The following SIPA1L3 variants were observed in gnomAD, a reference collection of about 807,000 sequenced individuals.
SIPA1L3 encodes the protein signal induced proliferation associated 1 like 3.
In SIPA1L3, 59 loss-of-function variants were observed where a neutral mutation model predicts 150.1. That is an observed-to-expected ratio of 0.39 (90% confidence interval 0.32 to 0.49). The LOEUF (loss-of-function observed/expected upper bound fraction) is 0.49, where lower values mean the gene tolerates loss of function less well. Among genes scored for constraint, SIPA1L3 ranks in the 20% least tolerant of loss-of-function variants. The probability of loss-of-function intolerance (pLI) is 0.86; values close to 1 mark genes in which losing one functional copy is unlikely to be tolerated. For missense variants in SIPA1L3, 2,211 were observed against 2,489.5 expected, an observed-to-expected ratio of 0.89 and a Z score of 2.38; for synonymous variants, 1,070 against 1,077.6, an observed-to-expected ratio of 0.99 and a Z score of 0.14.
intron 1 of SIPA1L3, among the ~76,000 whole-genome samples, chr19:37,962,168 G>C (rs914455014): frequency 4.3e-5 from 6 of 139,868 alleles, no homozygotes; most frequent in African/African-American, 1.7e-4. Context: ...TTTTGAGACA[G>C]AGTCTAACTC....
chr19:38,124,300 G>C (rs1971113959), intron 9 of SIPA1L3, among the ~76,000 whole-genome samples: 1 of 151,486 alleles, frequency 6.6e-6, no homozygotes, highest in African/African-American at 2.4e-5. Flanking sequence ...CGGCCGGGCA[G>C]AGACGCTCCT....
chr19:37,990,791 G>A (rs1196212183), intron 1 of SIPA1L3, among the ~76,000 whole-genome samples: 2 of 152,216 alleles, frequency 1.3e-5, no homozygotes, highest in African/African-American at 4.8e-5. Flanking sequence ...ACCAACAACA[G>A]CAGACACGCT....
At chr19:38,110,023 T>C in intron 7 of SIPA1L3, 1 of 564,326 alleles carries the variant, frequency 1.8e-6, no homozygotes, top group East Asian at 2.9e-5. Context: ...GAAGTGTTTC[T>C]GGCCATGGTG....
chr19:38,157,041 A>G (rs1320281417), intron 13 of SIPA1L3, among the ~76,000 whole-genome samples: 2 of 151,980 alleles, frequency 1.3e-5, no homozygotes, highest in Non-Finnish European at 2.9e-5. Context: ...GTGCGCACCT[A>G]TGGTCCCAGC....
In SIPA1L3 at chr19:38,082,283, G is replaced by A. The variant is rs771991482; in HGVS notation, c.718G>A (p.Glu240Lys). 7.5e-6 allele frequency: 12 copies of A among 1,599,920 alleles called. No homozygotes were observed. The highest frequency in any genetic ancestry group is 2.2e-5 in the East Asian group (1 of 44,870). Residue 240 changes from glutamate (E) to lysine (K), a missense_variant, in exon 3 of 22, where the codon GAG becomes AAG. Physicochemically the swap from Glu to Lys is moderately conservative, Grantham distance 56. Around this residue, in one of 5 missense-constraint regions of SIPA1L3, gnomAD observed 587 missense variants for 534.5 expected, o/e 1.10. Transcript: ENST00000222345. ...PDARGCQALTELLRADPGPHL... is the reference protein window; with the variant it reads ...PDARGCQALTKLLRADPGPHL... ...CGCCCGAGGGTGCCAGGCCCTCACC[G>A]AGCTCCTCCGGGCAGATCCTGGCCC...
At chr19:38,007,530 A>G (rs983665257) in intron 1 of SIPA1L3, among the ~76,000 whole-genome samples, 2 of 151,712 alleles carry the variant, frequency 1.3e-5, no homozygotes, top group Non-Finnish European at 2.9e-5. Context: ...ATTTTGGAAA[A>G]TGTGAGGAGA....
chr19:37,960,586 T>C (rs1379055948), intron 1 of SIPA1L3, among the ~76,000 whole-genome samples: 3 of 151,900 alleles, frequency 2.0e-5, no homozygotes, highest in Non-Finnish European at 4.4e-5. Flanking sequence ...TTTTTTTATT[T>C]TTAGTAGAGA....
intron 18 of SIPA1L3, among the ~76,000 whole-genome samples, chr19:38,196,663 G>A (rs1403121087): frequency 2.0e-5 from 3 of 151,640 alleles, no homozygotes; most frequent in Non-Finnish European, 4.4e-5. Flanking sequence ...GAAGAGCAAG[G>A]AGGCCAAGGG....
chr19:38,104,686 C>G (rs1340144901), intron 6 of SIPA1L3, among the ~76,000 whole-genome samples: 1 of 152,130 alleles, frequency 6.6e-6, no homozygotes, highest in Non-Finnish European at 1.5e-5. Flanking sequence ...ACTCTCCCAC[C>G]TCAGCCTCCT....
chr19:38,083,992 C>CAAA (rs748446835), intron 3 of SIPA1L3, among the ~76,000 whole-genome samples: 6 of 71,492 alleles, frequency 8.4e-5, no homozygotes, highest in African/African-American at 2.6e-4. Context: ...GACTCTGTCT[C>CAAA]AAAAAAAAAA....
rs1422504897 is a variant in SIPA1L3, at chr19:38,047,981, A to G, written c.-311+18825A>G. On this transcript the variant is annotated intron_variant, in intron 2 of 21. Coordinates refer to ENST00000222345, the MANE Select transcript of SIPA1L3 (RefSeq NM_015073.3). This position sits in a 1 kb window ranked among gnomAD's most constrained non-coding sequence, Gnocchi z 4.7. ...AAGGATGTGAGGGAAACAGTGACCC[A>G]CTGCAGAGGGTTTCCTGAGCTCTCG... is the stretch of plus-strand genomic sequence containing the variant. Among the ~76,000 whole-genome samples the G allele has an allele frequency of 6.6e-6, 1 of 152,136 alleles. No homozygotes were observed. Among genetic ancestry groups the G allele is most frequent in the African/African-American group, 2.4e-5 (1 of 41,430 alleles).
chr19:38,197,586 G>A (rs925841923), intron 18 of SIPA1L3, among the ~76,000 whole-genome samples: 11 of 151,666 alleles, frequency 7.3e-5, no homozygotes, highest in African/African-American at 1.5e-4. Flanking sequence ...GCCAGCCTCC[G>A]TCCCACCATC....
chr19:38,081,265 G>T lies in SIPA1L3; in HGVS notation c.-301G>T. ...TTTTCTTCCATTTCAGCATGGCGAGGACAACATCCTTGCTGCCTCCAGCTG... is the reference window on the plus strand; with the variant it reads ...TTTTCTTCCATTTCAGCATGGCGAGTACAACATCCTTGCTGCCTCCAGCTG... On this transcript the variant is annotated 5_prime_UTR_variant, in exon 3 of 22. Coordinates refer to ENST00000222345, the MANE Select transcript of SIPA1L3 (RefSeq NM_015073.3). The T allele has an allele frequency of 2.4e-6, 1 of 416,310 alleles. No individual in the cohort carries two copies. The highest frequency in any genetic ancestry group is 4.2e-6 in the Non-Finnish European group (1 of 235,444). 25.8% of individuals were successfully genotyped at this position (416,310 alleles called of 1,614,324 possible).
intron 13 of SIPA1L3, among the ~76,000 whole-genome samples, chr19:38,160,651 C>G (rs560144455): frequency 5.1e-4 from 77 of 152,156 alleles, no homozygotes; most frequent in African/African-American, 1.8e-3. Context: ...CTCTGCCCGC[C>G]TCGGCCTCCC....
intron 1 of SIPA1L3, among the ~76,000 whole-genome samples, chr19:38,015,820 G>A (rs553519195): frequency 1.3e-5 from 2 of 151,228 alleles, no homozygotes; most frequent in Admixed American, 6.6e-5. Context: ...TGCTGTGTTC[G>A]AAGCAACTCC....
In SIPA1L3 at chr19:38,023,249, C is replaced by T. The variant is rs113195005; in HGVS notation, c.-378-5840C>T. Among the ~76,000 whole-genome samples, 844 of 152,210 alleles carry T rather than the reference C, an allele frequency of 5.5e-3. 7 individuals carry two copies. The highest frequency in any genetic ancestry group is 0.019 in the East Asian group (98 of 5,178). ...CGCCTATCTTCTGGAGAGGGTGAGG[C>T]GGTGGGGCCGGGGGTCAGGGGGTAC... On this transcript the variant is annotated intron_variant, in intron 1 of 21. Coordinates refer to ENST00000222345, the MANE Select transcript of SIPA1L3 (RefSeq NM_015073.3).
At chr19:37,949,842 G>A (rs1327229423) in intron 1 of SIPA1L3, among the ~76,000 whole-genome samples, 1 of 152,088 alleles carries the variant, frequency 6.6e-6, no homozygotes, top group South Asian at 2.1e-4. Context: ...ACTTTGGGAG[G>A]CCAAGGCAGG....
At chr19:37,913,944 G>C (rs1009098486) in intron 1 of SIPA1L3, among the ~76,000 whole-genome samples, 7 of 150,830 alleles carry the variant, frequency 4.6e-5, no homozygotes, top group African/African-American at 1.7e-4. Context: ...GAACCTAGGA[G>C]GCAGGAGGAG....
chr19:38,104,257 A>G (rs1167972029), intron 6 of SIPA1L3, among the ~76,000 whole-genome samples: 1 of 152,232 alleles, frequency 6.6e-6, no homozygotes, highest in Non-Finnish European at 1.5e-5. Flanking sequence ...CCTCCGCTGA[A>G]GGAGGCTGTA....
Sources: allele counts gnomAD v4.1 joint callset (sites outside exome capture counted in the v4.1 genomes callset), GRCh38; gene constraint gnomAD v4.1.1; regional missense constraint gnomAD v4.1.1; non-coding constraint Gnocchi (gnomAD v3.1); transcripts MANE v1.5; gene names NCBI Gene and HGNC (gene_info 2026-07-23, HGNC 2026-07-21).